The following ITGA8 variants were observed in gnomAD, a reference collection of about 807,000 sequenced individuals.
The protein encoded by ITGA8 is integrin alpha-8.
Under a neutral mutation model 142.3 loss-of-function variants are expected in ITGA8, and 91 were observed. The ratio of observed to expected loss-of-function variants is 0.64; its 90% CI spans 0.54 to 0.76. The LOEUF (loss-of-function observed/expected upper bound fraction) is 0.76, where lower values mean the gene tolerates loss of function less well. Ranked by LOEUF, ITGA8 falls within the 30% of genes least tolerant of loss-of-function variation. The pLI is 0.00. For synonymous variants in ITGA8, 505 were observed against 485.2 expected (o/e 1.04, Z -0.54); for missense variants, 1,406 against 1,327.7 (o/e 1.06, Z -0.92).
At chr10:15,542,441 C>A (rs1833588576) in intron 27 of ITGA8, among the ~76,000 whole-genome samples, 1 of 152,218 alleles carries the variant, frequency 6.6e-6, no homozygotes, top group South Asian at 2.1e-4. Context: ...CTGTATTGGA[C>A]AGTATAATTC....
intron 2 of ITGA8, among the ~76,000 whole-genome samples, chr10:15,693,206 A>C (rs1834966616): frequency 6.6e-6 from 1 of 152,228 alleles, no homozygotes; most frequent in Non-Finnish European, 1.5e-5. Flanking sequence ...AATGAGTTTC[A>C]AAAGACATTT....
intron 10 of ITGA8, among the ~76,000 whole-genome samples, chr10:15,657,510 A>ATTTTTTTTTTTTT (rs34510305): frequency 7.5e-6 from 1 of 132,496 alleles, no homozygotes; most frequent in African/African-American, 2.8e-5. Flanking sequence ...CTTTTCTTTC[A>ATTTTTTTTTTTTT]TTTTTTTTTT....
intron 26 of ITGA8, among the ~76,000 whole-genome samples, chr10:15,549,791 A>G (rs549671602): frequency 9.8e-5 from 15 of 152,376 alleles, no homozygotes; most frequent in Admixed American, 2.6e-4. Context: ...TCCAAGGAAC[A>G]TATTACGACA....
intron 27 of ITGA8, among the ~76,000 whole-genome samples, chr10:15,541,660 AGGGCT>A (rs1362343837): frequency 4.6e-5 from 7 of 152,202 alleles, no homozygotes; most frequent in African/African-American, 1.7e-4. Context: ...AGGTGATACA[AGGGCT>A]GGGAAGAAGA....
chr10:15,629,507 G>A (rs2353419), intron 13 of ITGA8, among the ~76,000 whole-genome samples: 36,633 of 151,730 alleles, frequency 0.24, 4,725 homozygotes, highest in Admixed American at 0.32. Flanking sequence ...TTATGTAAAA[G>A]AAAAATGCAG....
chr10:15,664,528 T>TATG (rs1446516484), intron 8 of ITGA8, among the ~76,000 whole-genome samples: 1 of 151,056 alleles, frequency 6.6e-6, no homozygotes, highest in East Asian at 1.9e-4. Flanking sequence ...ATTTTATTAT[T>TATG]ATTATACTTT....
chr10:15,618,416 G>A (rs1042084955), intron 13 of ITGA8, among the ~76,000 whole-genome samples: 7 of 152,160 alleles, frequency 4.6e-5, no homozygotes, highest in Middle Eastern at 3.2e-3. Context: ...GAATTAAATT[G>A]GTGTAATAGA....
At position 15,644,076 on chromosome 10, in the gene ITGA8, G is replaced by A; in HGVS notation, c.1353C>T (p.Gly451=). ...TGTCTGAATCTCCTCTTAAAGTAAA[G>A]CCAAATCCGGAAGGGACAGCATGTG... is the stretch of plus-strand genomic sequence containing the variant. ...WASHAVPSGF[G]FTLRGDSDID... The change falls in exon 13 of 30, where the codon GGC becomes GGT. Residue 451 remains glycine, a synonymous_variant. Coordinates refer to ENST00000378076, the MANE Select transcript of ITGA8 (RefSeq NM_003638.3). 4 of 1,613,996 alleles carry A rather than the reference G, an allele frequency of 2.5e-6. No homozygotes were observed. Among genetic ancestry groups the A allele is most frequent in the Non-Finnish European group, 3.4e-6 (4 of 1,179,938 alleles).
chr10:15,563,447 T>C (rs866933684), intron 25 of ITGA8, among the ~76,000 whole-genome samples: 1 of 127,590 alleles, frequency 7.8e-6, no homozygotes, highest in African/African-American at 3.2e-5. Flanking sequence ...AGATGAATCA[T>C]GTAAATTTTT....
intron 8 of ITGA8, among the ~76,000 whole-genome samples, chr10:15,667,459 C>A (rs1834418728): frequency 6.6e-6 from 1 of 152,068 alleles, no homozygotes; most frequent in South Asian, 2.1e-4. Flanking sequence ...TTGATCTTTT[C>A]AAAAAACCAG....
rs140758938 is a variant in ITGA8, at chr10:15,650,397, G to A, written c.1002-3346C>T. On this transcript the variant is annotated intron_variant, in intron 11 of 29. Coordinates refer to ENST00000378076, the MANE Select transcript of ITGA8 (RefSeq NM_003638.3). ...CATTTGGAGGTAAAACTTTTAGTAG[G>A]TAATTAGGATTAGATAAGGCCATCA... Among the ~76,000 whole-genome samples, 1,314 of 152,288 alleles carry A rather than the reference G, an allele frequency of 8.6e-3. 20 individuals are homozygous for A. Among genetic ancestry groups the A allele is most frequent in the African/African-American group, 0.03 (1,265 of 41,552 alleles).
intron 13 of ITGA8, among the ~76,000 whole-genome samples, chr10:15,638,068 T>A (rs1833804252): frequency 6.6e-6 from 1 of 152,148 alleles, no homozygotes; most frequent in Admixed American, 6.5e-5. Flanking sequence ...GAAAAAACAT[T>A]ACCAACATAA....
At chr10:15,658,801 G>T (rs1453398599) in intron 10 of ITGA8, among the ~76,000 whole-genome samples, 198 bp downstream of exon 10, 1 of 152,052 alleles carries the variant, frequency 6.6e-6, no homozygotes, top group Non-Finnish European at 1.5e-5. Flanking sequence ...TCCCTCCCCT[G>T]CCACCTCACT....
chr10:15,528,752 A>G (rs1833229693), intron 28 of ITGA8, among the ~76,000 whole-genome samples: 1 of 152,128 alleles, frequency 6.6e-6, no homozygotes, highest in Non-Finnish European at 1.5e-5. Context: ...GCCTTTGAAC[A>G]TTTTTAGATG....
At chr10:15,594,064 A>T (rs900794450) in intron 21 of ITGA8, among the ~76,000 whole-genome samples, 1 of 151,012 alleles carries the variant, frequency 6.6e-6, no homozygotes. Flanking sequence ...CTGGTCTCAT[A>T]CTCCTGACCT....
chr10:15,672,612 A>G lies in ITGA8; in HGVS notation c.802+12T>C. ...TTGAAAAACCACAAATGTCTTGGGC[A>G]ATGGGTCTTACCAAGGTAACTGTCA... On this transcript the variant is annotated intron_variant, in intron 7 of 29. Coordinates refer to ENST00000378076, the MANE Select transcript of ITGA8 (RefSeq NM_003638.3). 1 of 1,606,978 alleles carries G rather than the reference A, an allele frequency of 6.2e-7. No individual in the cohort carries two copies. Among genetic ancestry groups the G allele is most frequent in the Non-Finnish European group, 8.5e-7 (1 of 1,177,610 alleles).
chr10:15,716,596 G>C (rs1246500490), intron 2 of ITGA8, among the ~76,000 whole-genome samples: 1 of 151,848 alleles, frequency 6.6e-6, no homozygotes, highest in Non-Finnish European at 1.5e-5. Flanking sequence ...TTCAGCATTA[G>C]TTCTGTATGG....
chr10:15,551,061 A>T (rs1442731305), intron 26 of ITGA8, among the ~76,000 whole-genome samples: 1 of 152,120 alleles, frequency 6.6e-6, no homozygotes, highest in Non-Finnish European at 1.5e-5. Context: ...GGTGCTGGTA[A>T]CACTGAGACT....
chr10:15,657,012 T>C (rs866284325), intron 10 of ITGA8, among the ~76,000 whole-genome samples: 1 of 152,202 alleles, frequency 6.6e-6, no homozygotes, highest in African/African-American at 2.4e-5. Context: ...ATGTAACAAC[T>C]CAATTCTCAC....
Sources: allele counts gnomAD v4.1 joint callset (sites outside exome capture counted in the v4.1 genomes callset), GRCh38; gene constraint gnomAD v4.1.1; transcripts MANE v1.5; gene names NCBI Gene and HGNC (gene_info 2026-07-23, HGNC 2026-07-21).